Variants in ADAMTSL1 observed in about 807,000 individuals in gnomAD.
ADAMTSL1 encodes the protein ADAMTS like 1.
ADAMTSL1 carries 126 observed loss-of-function variants against 201.8 expected under a neutral mutation model. That is an observed-to-expected ratio of 0.62 (90% CI 0.54 to 0.72). The LOEUF (loss-of-function observed/expected upper bound fraction) is 0.72, where lower values mean the gene tolerates loss of function less well. ADAMTSL1 is among the 30% of genes least tolerant of loss of function. The pLI is 0.00. For missense variants in ADAMTSL1, 2,679 were observed against 2,277.8 expected (o/e 1.18, Z -3.59); for synonymous variants, 1,121 against 903.4 (o/e 1.24, Z -4.32).
At chr9:18,288,677 A>G (rs1231188467) in intron 2 of ADAMTSL1, among the ~76,000 whole-genome samples, 3 of 152,240 alleles carry the variant, frequency 2.0e-5, no homozygotes. Context: ...AGAAAAAAAG[A>G]AAAGAAAGTA....
chr9:17,915,239 A>G (rs1826049935), intron 1 of ADAMTSL1, among the ~76,000 whole-genome samples: 1 of 152,176 alleles, frequency 6.6e-6, no homozygotes, highest in Non-Finnish European at 1.5e-5. Flanking sequence ...AACATTACCA[A>G]TCAAATACTT....
chr9:18,821,758 C>A (rs1246410913), intron 21 of ADAMTSL1, among the ~76,000 whole-genome samples: 1 of 152,118 alleles, frequency 6.6e-6, no homozygotes, highest in Non-Finnish European at 1.5e-5. Flanking sequence ...TCCTAGGAAG[C>A]TTCTAGAATT....
chr9:17,933,477 T>C (rs1477933904), intron 1 of ADAMTSL1, among the ~76,000 whole-genome samples: 4 of 152,164 alleles, frequency 2.6e-5, no homozygotes, highest in Non-Finnish European at 5.9e-5. Context: ...ATGGATGGAT[T>C]CTGCATAATA....
intron 2 of ADAMTSL1, among the ~76,000 whole-genome samples, chr9:18,511,145 G>A (rs1817998357): frequency 6.6e-6 from 1 of 152,080 alleles, no homozygotes; most frequent in African/African-American, 2.4e-5. Context: ...ATAGCTGGCT[G>A]CTCTTAGGTG....
intron 2 of ADAMTSL1, among the ~76,000 whole-genome samples, chr9:18,286,966 A>C (rs1367498375): frequency 6.6e-6 from 1 of 152,202 alleles, no homozygotes; most frequent in Non-Finnish European, 1.5e-5. Flanking sequence ...TTAAGAGATA[A>C]ACTGTATAAA....
intron 2 of ADAMTSL1, among the ~76,000 whole-genome samples, chr9:18,229,919 A>T (rs1010849862): frequency 1.3e-5 from 2 of 151,744 alleles, no homozygotes; most frequent in African/African-American, 2.4e-5. Context: ...CTTGTCTCAA[A>T]CTCCTGACCT....
intron 20 of ADAMTSL1, among the ~76,000 whole-genome samples, chr9:18,815,711 C>CAAAAAAAAAAAAAA (rs35926602): frequency 1.2e-4 from 8 of 67,926 alleles, no homozygotes; most frequent in East Asian, 3.5e-4. Context: ...AACCCTGTCT[C>CAAAAAAAAAAAAAA]AAAAAAAAAA....
At chr9:18,306,786 G>C (rs1208008387) in intron 2 of ADAMTSL1, among the ~76,000 whole-genome samples, 1 of 152,166 alleles carries the variant, frequency 6.6e-6, no homozygotes, top group African/African-American at 2.4e-5. Flanking sequence ...TATTATCCAG[G>C]AGAACTTCCC....
chr9:18,127,546 A>G (rs1251269157), intron 1 of ADAMTSL1, among the ~76,000 whole-genome samples: 2 of 151,942 alleles, frequency 1.3e-5, no homozygotes, highest in African/African-American at 2.4e-5. Flanking sequence ...TAGAAGGAGA[A>G]TACTAACATT....
chr9:18,081,255 A>G (rs1823487287), intron 1 of ADAMTSL1, among the ~76,000 whole-genome samples: 1 of 152,220 alleles, frequency 6.6e-6, no homozygotes, highest in Non-Finnish European at 1.5e-5. Flanking sequence ...GATACCATCA[A>G]GTCTAGTGTG....
chr9:18,327,093 C>G (rs1291885222), intron 2 of ADAMTSL1, among the ~76,000 whole-genome samples: 4 of 152,178 alleles, frequency 2.6e-5, no homozygotes, highest in Non-Finnish European at 4.4e-5. Context: ...AAAAAATTTT[C>G]AAATTACTGG....
chr9:18,730,144 G>T (rs1224380584), intron 15 of ADAMTSL1, among the ~76,000 whole-genome samples: 1 of 152,102 alleles, frequency 6.6e-6, no homozygotes, highest in Non-Finnish European at 1.5e-5. Flanking sequence ...GATGATTATT[G>T]CTTCCTAAGT....
At chr9:18,698,244 G>A (rs897587434) in intron 13 of ADAMTSL1, among the ~76,000 whole-genome samples, 4 of 152,056 alleles carry the variant, frequency 2.6e-5, no homozygotes, top group African/African-American at 9.7e-5. Flanking sequence ...TGAACACATT[G>A]GAAGATAGCA....
intron 19 of ADAMTSL1, among the ~76,000 whole-genome samples, chr9:18,784,604 C>G (rs962167539): frequency 6.6e-6 from 1 of 152,192 alleles, no homozygotes; most frequent in Non-Finnish European, 1.5e-5. Context: ...TTCTGTGACA[C>G]AACTGTGCAA....
chr9:18,789,155 A>G (rs1177396098), intron 19 of ADAMTSL1, among the ~76,000 whole-genome samples: 1 of 152,194 alleles, frequency 6.6e-6, no homozygotes, highest in Non-Finnish European at 1.5e-5. Context: ...TAGAATTTAT[A>G]AGCCCTGGCA....
At chr9:18,239,741 C>G (rs1830990049) in intron 2 of ADAMTSL1, among the ~76,000 whole-genome samples, 1 of 151,284 alleles carries the variant, frequency 6.6e-6, no homozygotes, top group Non-Finnish European at 1.5e-5. Context: ...GAGTAAGACT[C>G]TGTCTCAAAG....
chr9:18,391,887 T>A (rs1587056204), intron 2 of ADAMTSL1, among the ~76,000 whole-genome samples: 1 of 142,926 alleles, frequency 7.0e-6, no homozygotes, highest in Non-Finnish European at 1.5e-5. Context: ...TGCAGTGGCA[T>A]GATCTTGGCT....
chr9:18,290,434 A>G (rs16936531), intron 2 of ADAMTSL1, among the ~76,000 whole-genome samples: 9,291 of 152,180 alleles, frequency 0.061, 955 homozygotes, highest in African/African-American at 0.21. Context: ...GACACCAAAG[A>G]ATGTGGCTGG....
At chr9:17,989,940 C>G (rs561112770) in intron 1 of ADAMTSL1, among the ~76,000 whole-genome samples, 1 of 144,096 alleles carries the variant, frequency 6.9e-6, no homozygotes, top group South Asian at 2.2e-4. Flanking sequence ...TTTTCCCAAA[C>G]GTATTCTGCT....
Sources: gnomAD v4.1 joint callset for allele counts (sites outside exome capture counted in the v4.1 genomes callset) on GRCh38, gnomAD v4.1.1 for gene constraint, MANE v1.5 for transcripts, NCBI Gene and HGNC (gene_info 2026-07-23, HGNC 2026-07-21) for gene names.